INPP4B: variants seen among roughly 807,000 people sequenced by gnomAD.
The protein encoded by INPP4B is inositol polyphosphate 4-phosphatase type II.
In INPP4B, 55 loss-of-function variants were observed where a neutral mutation model predicts 122.5. The ratio of observed to expected loss-of-function variants is 0.45; its 90% CI spans 0.36 to 0.56. INPP4B has a LOEUF of 0.56. Ranked by LOEUF, INPP4B falls within the 20% of genes least tolerant of loss-of-function variation. INPP4B has a pLI of 0.00. For synonymous variants in INPP4B, 403 were observed against 388.7 expected (o/e 1.04, Z -0.43); for missense variants, 1,000 against 1,097.7 (o/e 0.91, Z 1.26).
At chr4:142,595,748 C>T (rs1478327744) in intron 2 of INPP4B, among the ~76,000 whole-genome samples, 1 of 152,192 alleles carries the variant, frequency 6.6e-6, no homozygotes, top group Non-Finnish European at 1.5e-5. Context: ...TTGCTCTTCA[C>T]AGCAGGAGCT....
At chr4:142,431,465 C>G (rs1028275863) in intron 3 of INPP4B, 80 bp from the exon 4 acceptor site, 16 of 550,912 alleles carry the variant, frequency 2.9e-5, no homozygotes, top group Admixed American at 6.7e-5. Context: ...GTAGAGACTG[C>G]AACTACATTC....
chr4:142,791,035 A>G, intron 1 of INPP4B, among the ~76,000 whole-genome samples: 1 of 152,282 alleles, frequency 6.6e-6, no homozygotes, highest in South Asian at 2.1e-4. Context: ...TATATAAAAC[A>G]TAACTATTTG....
chr4:142,067,441 C>A (rs9998263), intron 25 of INPP4B, among the ~76,000 whole-genome samples: 3,920 of 152,252 alleles, frequency 0.026, 185 homozygotes, highest in African/African-American at 0.09. Context: ...AAATGTAGCT[C>A]CTCACTAGCA....
intron 2 of INPP4B, among the ~76,000 whole-genome samples, chr4:142,490,683 T>G (rs1330032206): frequency 6.6e-6 from 1 of 152,160 alleles, no homozygotes; most frequent in Non-Finnish European, 1.5e-5. Context: ...TTTTGTATCC[T>G]TGGACCAACA....
intron 3 of INPP4B, among the ~76,000 whole-genome samples, chr4:142,459,016 C>G (rs1816130221): frequency 6.6e-6 from 1 of 152,172 alleles, no homozygotes; most frequent in Admixed American, 6.5e-5. Context: ...AAAAGCCAGC[C>G]TGACTCAGAC....
intron 2 of INPP4B, among the ~76,000 whole-genome samples, chr4:142,645,862 A>T (rs1039439045): frequency 6.6e-5 from 10 of 152,352 alleles, no homozygotes; most frequent in African/African-American, 2.4e-4. Flanking sequence ...AAGCAGCGAC[A>T]AGGAGGAAGA....
intron 1 of INPP4B, among the ~76,000 whole-genome samples, chr4:142,745,608 G>A (rs1242881503): frequency 1.3e-5 from 2 of 151,746 alleles, no homozygotes; most frequent in Non-Finnish European, 2.9e-5. Flanking sequence ...ACTCTATACG[G>A]GAGACTTTAG....
chr4:142,743,681 A>C (rs331951), intron 1 of INPP4B, among the ~76,000 whole-genome samples: 43,939 of 151,750 alleles, frequency 0.29, 6,538 homozygotes, highest in South Asian at 0.37. Context: ...ATAATGAGCT[A>C]AAGTAAGATA....
intron 1 of INPP4B, among the ~76,000 whole-genome samples, chr4:142,735,851 A>G (rs1397638493): frequency 2.6e-5 from 4 of 151,922 alleles, no homozygotes; most frequent in African/African-American, 4.8e-5. Flanking sequence ...TAAACATATT[A>G]TATCTTTAAT....
At chr4:142,681,319 T>C (rs1000958727) in intron 2 of INPP4B, among the ~76,000 whole-genome samples, 6 of 151,784 alleles carry the variant, frequency 4.0e-5, no homozygotes, top group African/African-American at 1.5e-4. Context: ...TATAGGCCTA[T>C]GATCACATAG....
At chr4:142,186,770 T>A (rs1833374568) in intron 15 of INPP4B, among the ~76,000 whole-genome samples, 1 of 152,180 alleles carries the variant, frequency 6.6e-6, no homozygotes, top group African/African-American at 2.4e-5. Flanking sequence ...CAAATTCACT[T>A]ATTACAAATT....
intron 17 of INPP4B, among the ~76,000 whole-genome samples, chr4:142,153,810 A>G (rs1815705291): frequency 6.6e-6 from 1 of 152,182 alleles, no homozygotes; most frequent in Admixed American, 6.5e-5. Flanking sequence ...AGGTGAAAAT[A>G]TTAACTGCAT....
intron 25 of INPP4B, among the ~76,000 whole-genome samples, chr4:142,069,349 G>A (rs528506976): frequency 3.3e-5 from 5 of 152,210 alleles, no homozygotes; most frequent in Non-Finnish European, 7.4e-5. Context: ...AGAGGGCAAT[G>A]TATAGCACTA....
At chr4:142,088,497 T>A (rs1777890962) in intron 23 of INPP4B, among the ~76,000 whole-genome samples, 1 of 87,276 alleles carries the variant, frequency 1.1e-5, no homozygotes, top group South Asian at 4.1e-4. Context: ...TGTGTAACAA[T>A]GTGTGCTTGT....
intron 7 of INPP4B, among the ~76,000 whole-genome samples, chr4:142,320,340 T>C (rs1048133396): frequency 4.6e-5 from 7 of 152,140 alleles, no homozygotes; most frequent in African/African-American, 1.4e-4. Context: ...CCTATCACAG[T>C]ATTGAGGATT....
chr4:142,323,921 C>T (rs1284359764), intron 7 of INPP4B, among the ~76,000 whole-genome samples: 2 of 152,040 alleles, frequency 1.3e-5, no homozygotes, highest in Non-Finnish European at 2.9e-5. Context: ...ATTGTTGGTA[C>T]AATTCAGTGT....
Position 142,537,423 on chromosome 4 carries a change from TATATATAGAGAGAGAGAGAGAGAGAG to T in INPP4B, c.-190-74723_-190-74698del, listed in dbSNP as rs1414623074. ...CAGTATATATATATATATATATATA[TATATATAGAGAGAGAGAGAGAGAGAG>T]AGAGAGAGAGAGAGAGAGAGAGATA... On this transcript the variant is annotated intron_variant, in intron 2 of 25. Coordinates refer to ENST00000262992, the MANE Select transcript of INPP4B (RefSeq NM_001101669.3). Among the ~76,000 whole-genome samples, 17 of 48,012 alleles carry T rather than the reference TATATATAGAGAGAGAGAGAGAGAGAG, an allele frequency of 3.5e-4. 1 individual carries two copies. The highest frequency in any genetic ancestry group is 1.1e-3 in the African/African-American group (15 of 14,000). The allele number at this position is 48,012 out of a possible 152,430, so 31.5% of individuals were successfully genotyped here.
rs1217807876 is a variant in INPP4B, at chr4:142,755,205, TAG to T, written c.-253-29306_-253-29305del. ...TAATAGTTACTGACTTTCATTCACC[TAG>T]AGTTTTCTTTCTGAAGGGCATTGAG... is the stretch of plus-strand genomic sequence containing the variant. On this transcript the variant is annotated intron_variant, in intron 1 of 25. Coordinates refer to ENST00000262992, the MANE Select transcript of INPP4B (RefSeq NM_001101669.3). 3.9e-5 allele frequency among the ~76,000 whole-genome samples: 6 copies of T among 152,032 alleles called. No homozygotes were observed. In the East Asian group the frequency reaches 1.2e-3, roughly 29 times the overall value.
At chr4:142,255,397 G>A (rs554205689) in intron 11 of INPP4B, among the ~76,000 whole-genome samples, 106 of 152,080 alleles carry the variant, frequency 7.0e-4, no homozygotes, top group Non-Finnish European at 1.1e-3. Flanking sequence ...CCAGTTAAAA[G>A]ACACACACTG....
Sources: allele counts gnomAD v4.1 joint callset (sites outside exome capture counted in the v4.1 genomes callset), GRCh38; gene constraint gnomAD v4.1.1; transcripts MANE v1.5; gene names NCBI Gene and HGNC (gene_info 2026-07-23, HGNC 2026-07-21).